Variants in IBTK observed in about 807,000 individuals in gnomAD.
IBTK encodes inhibitor of Bruton tyrosine kinase.
IBTK carries 83 observed loss-of-function variants against 154.9 expected under a neutral mutation model. That is an observed-to-expected ratio of 0.54 (90% CI 0.45 to 0.64). IBTK has a LOEUF of 0.64. Ranked by LOEUF, IBTK falls within the 30% of genes least tolerant of loss-of-function variation. The pLI is 0.00. For synonymous variants in IBTK, 515 were observed against 536.1 expected, an observed-to-expected ratio of 0.96 and a Z score of 0.54; for missense variants, 1,332 against 1,584.6, an observed-to-expected ratio of 0.84 and a Z score of 2.71.
Position 82,227,231 on chromosome 6 carries a change from A to G in IBTK, c.615T>C (p.Pro205=). The G allele has an allele frequency of 1.2e-6, 2 of 1,613,040 alleles. No homozygotes were observed. The highest frequency in any genetic ancestry group is 1.7e-6 in the Non-Finnish European group (2 of 1,179,362). ...CATCTCCATGTCCTAATCGCCCTCC[A>G]GGACCATGACCACAGGTATAAACCT... is the stretch of plus-strand genomic sequence containing the variant. ...KGQVYTCGHG[P]GGRLGHGDEQ... Residue 205 remains proline (P), a synonymous_variant, in exon 5 of 29, where the codon CCT becomes CCC. Transcript: ENST00000306270.
At chr6:82,244,420 A>C (rs1487892485) in intron 1 of IBTK, among the ~76,000 whole-genome samples, 1 of 152,164 alleles carries the variant, frequency 6.6e-6, no homozygotes, top group Non-Finnish European at 1.5e-5. Context: ...TCCCTTAAGG[A>C]GTCTAAAAGA....
chr6:82,217,990 C>G lies in IBTK; in HGVS notation c.1396G>C (p.Glu466Gln), dbSNP rs572355869. The change falls in exon 10 of 29, where the codon GAA becomes CAA. Residue 466 changes from glutamate (E) to glutamine (Q), a missense_variant. Glu to Gln is a conservative substitution (Grantham distance 29, BLOSUM62 2). This residue lies in a region of IBTK where 1,134 missense variants were observed against 1,274.7 expected (regional missense o/e 0.89). Transcript: ENST00000306270. ...TTTTCAGAACTCTTTCTTTTCTCTTCAAACCATCTCCCTCTAAATCCTTCT... is the reference window on the plus strand; with the variant it reads ...TTTTCAGAACTCTTTCTTTTCTCTTGAAACCATCTCCCTCTAAATCCTTCT... ...DGEGFRGRWF[E>Q]EKRKSSEKKE... 6.2e-7 allele frequency: 1 copy of G among 1,605,470 alleles called. No homozygotes were observed. The highest frequency in any genetic ancestry group is 1.3e-5 in the African/African-American group (1 of 74,446).
At chr6:82,196,676 T>C (rs553069580) in intron 21 of IBTK, among the ~76,000 whole-genome samples, 1 of 152,334 alleles carries the variant, frequency 6.6e-6, no homozygotes, top group South Asian at 2.1e-4. Context: ...TTCATTACAA[T>C]CACACACCAA....
chr6:82,171,574 A>G lies in IBTK; in HGVS notation c.3931-18T>C, dbSNP rs945990109. ...TCCTCAATCTGAAAGGAGGAAGGGAAAGAAGACTCTTTACTCTTTTAATTA... is the reference window on the plus strand; with the variant it reads ...TCCTCAATCTGAAAGGAGGAAGGGAGAGAAGACTCTTTACTCTTTTAATTA... On this transcript the variant is annotated intron_variant, in intron 28 of 28. Transcript: ENST00000306270. 8 of 1,567,088 alleles carry G rather than the reference A, an allele frequency of 5.1e-6. No individual in the cohort carries two copies. Among genetic ancestry groups the G allele is most frequent in the Non-Finnish European group, 6.9e-6 (8 of 1,153,108 alleles).
chr6:82,200,944 T>C (rs1012827812), intron 19 of IBTK, among the ~76,000 whole-genome samples: 1 of 152,008 alleles, frequency 6.6e-6, no homozygotes, highest in Non-Finnish European at 1.5e-5. Flanking sequence ...ATTTTTAATA[T>C]GTGGTGACAT....
intron 1 of IBTK, among the ~76,000 whole-genome samples, chr6:82,246,583 G>T (rs1410398571): frequency 6.6e-6 from 1 of 151,922 alleles, no homozygotes; most frequent in African/African-American, 2.4e-5. Context: ...GATTACAGGC[G>T]TGAGCCACCG....
chr6:82,188,916 G>C (rs1216738143), intron 25 of IBTK: 1 of 279,418 alleles, frequency 3.6e-6, no homozygotes, highest in Admixed American at 5.0e-5. Context: ...TGTAATCCTA[G>C]CTATTCAGGA....
intron 2 of IBTK, among the ~76,000 whole-genome samples, chr6:82,237,118 A>G (rs1258606896): frequency 2.0e-5 from 3 of 152,196 alleles, no homozygotes; most frequent in African/African-American, 4.8e-5. Context: ...AGTCCAGACC[A>G]TAACTATTTC....
rs1582227375 is a variant in IBTK, at chr6:82,214,587, C to T, written c.1844G>A (p.Cys615Tyr). ...AACCTTCTCTACCACAAAGAGATGG[C>T]ACCCTGCAGAATCTTCATCTTTCTG... ...IYQKDEDSAG[C>Y]HLFVVEKVHP... The change falls in exon 12 of 29, where the codon TGC becomes TAC. Residue 615 changes from cysteine (C) to tyrosine (Y), a missense_variant. Physicochemically the swap from Cys to Tyr is radical, Grantham distance 194 (BLOSUM62 -2). Around this residue, in one of 3 missense-constraint regions of IBTK, gnomAD observed 1,134 missense variants for 1,274.7 expected, o/e 0.89. Transcript: ENST00000306270. 2.5e-6 allele frequency: 4 copies of T among 1,614,022 alleles called. No homozygotes were observed. Among genetic ancestry groups the T allele is most frequent in the Non-Finnish European group, 3.4e-6 (4 of 1,179,974 alleles).
At chr6:82,226,254 T>C (rs995329535) in intron 5 of IBTK, among the ~76,000 whole-genome samples, 1 of 152,170 alleles carries the variant, frequency 6.6e-6, no homozygotes, top group Non-Finnish European at 1.5e-5. Context: ...AAGGTAATAT[T>C]ATATATGAAA....
intron 8 of IBTK, among the ~76,000 whole-genome samples, chr6:82,221,305 T>C (rs758939363): frequency 1.1e-4 from 17 of 152,190 alleles, no homozygotes; most frequent in Non-Finnish European, 1.2e-4. Flanking sequence ...GCCTGGGTGA[T>C]AGAGAGAGAC....
intron 25 of IBTK, among the ~76,000 whole-genome samples, chr6:82,186,507 C>A (rs1357802987): frequency 6.6e-6 from 1 of 152,006 alleles, no homozygotes; most frequent in Non-Finnish European, 1.5e-5. Context: ...TAGCAAACTA[C>A]GTATAGTATA....
chr6:82,171,658 T>C, intron 28 of IBTK, 102 bp from the exon 29 acceptor site: 2 of 939,138 alleles, frequency 2.1e-6, no homozygotes, highest in Non-Finnish European at 3.3e-6. Context: ...TCACTTTCCA[T>C]GGATACAATA....
intron 26 of IBTK, among the ~76,000 whole-genome samples, chr6:82,179,668 TA>T (rs1410872995): frequency 6.6e-6 from 1 of 152,160 alleles, no homozygotes; most frequent in Non-Finnish European, 1.5e-5. Context: ...TTCAGTTTAG[TA>T]ATGGGGCTGG....
intron 4 of IBTK, among the ~76,000 whole-genome samples, chr6:82,228,771 G>A (rs1358304437): frequency 2.0e-5 from 3 of 152,030 alleles, no homozygotes; most frequent in African/African-American, 2.4e-5. Flanking sequence ...ACAGGTGCCC[G>A]CCACCACGCC....
chr6:82,217,025 T>C (rs1769899809), intron 10 of IBTK, among the ~76,000 whole-genome samples: 2 of 152,272 alleles, frequency 1.3e-5, no homozygotes, highest in South Asian at 2.1e-4. Flanking sequence ...TAAAAGATGA[T>C]ATAGACTAGG....
At chr6:82,176,220 C>T (rs182304144) in intron 26 of IBTK, among the ~76,000 whole-genome samples, 1 of 151,704 alleles carries the variant, frequency 6.6e-6, no homozygotes, top group African/African-American at 2.4e-5. Context: ...TAGTTTTTTT[C>T]ACTAATTAGA....
chr6:82,216,474 G>A (rs1182319947), intron 10 of IBTK, among the ~76,000 whole-genome samples: 1 of 152,130 alleles, frequency 6.6e-6, no homozygotes. Context: ...AATTATCCAT[G>A]ATTCCATCTC....
At chr6:82,231,643 C>T in intron 4 of IBTK, 75 bp downstream of exon 4, 3 of 1,131,310 alleles carry the variant, frequency 2.7e-6, no homozygotes, top group South Asian at 1.9e-5. Flanking sequence ...ATGTAATCCA[C>T]ATGAAAAGCT....
Sources: gnomAD v4.1 joint callset for allele counts (sites outside exome capture counted in the v4.1 genomes callset) on GRCh38, gnomAD v4.1.1 for gene constraint, gnomAD v4.1.1 regional missense constraint, MANE v1.5 for transcripts, NCBI Gene and HGNC (gene_info 2026-07-23, HGNC 2026-07-21) for gene names.